The following CERS3 variants were observed in gnomAD, a reference collection of about 807,000 sequenced individuals.
CERS3 encodes the protein ceramide synthase 3.
In CERS3, 33 loss-of-function variants were observed where a neutral mutation model predicts 50.3. That is an observed-to-expected ratio of 0.66 (90% confidence interval 0.50 to 0.88). The LOEUF is 0.88. Ranked by LOEUF, CERS3 falls within the 40% of genes least tolerant of loss-of-function variation. The pLI is 0.00. For missense variants in CERS3, 470 were observed against 460.3 expected (o/e 1.02, Z -0.19); for synonymous variants, 176 against 155.2 (o/e 1.13, Z -0.99).
At chr15:100,541,451 G>A (rs1401504231) in intron 1 of CERS3, among the ~76,000 whole-genome samples, 1 of 152,050 alleles carries the variant, frequency 6.6e-6, no homozygotes, top group African/African-American at 2.4e-5. Context: ...CAGCCTGGGT[G>A]ACAGAGCGAG....
chr15:100,446,750 A>G (rs2033958893), intron 11 of CERS3, among the ~76,000 whole-genome samples: 1 of 152,094 alleles, frequency 6.6e-6, no homozygotes, highest in Non-Finnish European at 1.5e-5. Flanking sequence ...TAAACCCCCA[A>G]CTGCCTGATG....
At chr15:100,450,838 T>C (rs574814937) in intron 11 of CERS3, among the ~76,000 whole-genome samples, 25 of 152,020 alleles carry the variant, frequency 1.6e-4, no homozygotes, top group African/African-American at 5.1e-4. Context: ...AAGGGAACCA[T>C]CATCGGACTA....
chr15:100,509,475 C>A (rs1159077337), intron 2 of CERS3, among the ~76,000 whole-genome samples: 1 of 152,190 alleles, frequency 6.6e-6, no homozygotes. Context: ...AAGAAACTAT[C>A]TCTACAGAAC....
intron 9 of CERS3, among the ~76,000 whole-genome samples, chr15:100,471,505 C>T (rs1373285650): frequency 6.6e-6 from 1 of 152,126 alleles, no homozygotes; most frequent in East Asian, 1.9e-4. Context: ...ATTGGACACA[C>T]ACCAAAGGCA....
intron 11 of CERS3, among the ~76,000 whole-genome samples, chr15:100,454,387 CAAAAA>C (rs59536958): frequency 9.0e-6 from 1 of 111,472 alleles, no homozygotes; most frequent in Non-Finnish European, 1.8e-5. Flanking sequence ...AAGGCATTGT[CAAAAA>C]AAAAAAAAAA....
intron 1 of CERS3, among the ~76,000 whole-genome samples, chr15:100,526,478 C>CTGTGTGTGTGTGTGTGTGTGTGTG (rs1217852084): frequency 0.014 from 1,887 of 131,484 alleles, 34 homozygotes; most frequent in Middle Eastern, 0.038. Context: ...CCTACATAAA[C>CTGTGTGTGTGTGTGTGTGTGTGTG]TGTGTGTGTG....
At chr15:100,513,193 G>A (rs1403361739) in intron 2 of CERS3, among the ~76,000 whole-genome samples, 1 of 152,138 alleles carries the variant, frequency 6.6e-6, no homozygotes, top group African/African-American at 2.4e-5. Flanking sequence ...CCATCTATCA[G>A]CCCCTTCCTA....
chr15:100,542,554 TGTAAA>T (rs2037226166), intron 1 of CERS3, among the ~76,000 whole-genome samples: 2 of 152,196 alleles, frequency 1.3e-5, no homozygotes, highest in African/African-American at 4.8e-5. Flanking sequence ...GCTAATACTA[TGTAAA>T]GTAAATATAA....
intron 2 of CERS3, among the ~76,000 whole-genome samples, chr15:100,513,542 T>TTC (rs1466339478): frequency 1.6e-5 from 1 of 61,468 alleles, no homozygotes; most frequent in Non-Finnish European, 3.6e-5. Context: ...TTTCTTTTCT[T>TTC]TTTTTTTTTT....
At chr15:100,455,724 A>C (rs894189040) in intron 11 of CERS3, among the ~76,000 whole-genome samples, 169 bp downstream of exon 11, 1 of 152,204 alleles carries the variant, frequency 6.6e-6, no homozygotes, top group Non-Finnish European at 1.5e-5. Flanking sequence ...TTAAAGACCT[A>C]CTTATGAAAA....
chr15:100,473,139 C>T, intron 8 of CERS3, 87 bp from the exon 9 acceptor site: 2 of 1,334,974 alleles, frequency 1.5e-6, no homozygotes, highest in Non-Finnish European at 2.0e-6. Context: ...ATAATGAGAC[C>T]AATAACTTAC....
intron 11 of CERS3, among the ~76,000 whole-genome samples, chr15:100,416,828 T>A (rs2031949527): frequency 6.6e-6 from 1 of 152,056 alleles, no homozygotes; most frequent in Non-Finnish European, 1.5e-5. Flanking sequence ...AGGATGAATC[T>A]GAAAAGGGTC....
intron 8 of CERS3, among the ~76,000 whole-genome samples, chr15:100,474,360 T>A (rs2035059190): frequency 6.6e-6 from 1 of 152,214 alleles, no homozygotes; most frequent in African/African-American, 2.4e-5. Flanking sequence ...ACAATACCAA[T>A]AATAGCTCAA....
chr15:100,455,621 C>G (rs2034342071), intron 11 of CERS3, among the ~76,000 whole-genome samples: 1 of 152,014 alleles, frequency 6.6e-6, no homozygotes, highest in Non-Finnish European at 1.5e-5. Flanking sequence ...AGCATAAAAA[C>G]AAGCAGCAAT....
intron 1 of CERS3, among the ~76,000 whole-genome samples, chr15:100,542,509 T>C (rs2037224805): frequency 6.6e-6 from 1 of 152,238 alleles, no homozygotes; most frequent in Admixed American, 6.5e-5. Context: ...GATCTATTCT[T>C]AGTGTGATAA....
chr15:100,479,442 C>A lies in CERS3; in HGVS notation c.502G>T (p.Gly168Cys), dbSNP rs781326893. 2 of 1,603,300 alleles carry A rather than the reference C, an allele frequency of 1.2e-6. No individual in the cohort carries two copies. Among genetic ancestry groups the A allele is most frequent in the Non-Finnish European group, 1.7e-6 (2 of 1,175,740 alleles). Residue 168 changes from glycine to cysteine, a missense_variant, in exon 7 of 12, where the codon GGC becomes TGC. Transcript: ENST00000679737. ...AGTGGACTTACCTGTTTGGGATAGC[C>A]ATTCCAAACCTCCCATAAGTCATAT... Reference protein sequence around the residue: ...WLYDLWEVWNGYPKQPLLPSQ... With the variant: ...WLYDLWEVWNCYPKQPLLPSQ...
At chr15:100,440,517 C>G (rs1411176416) in intron 11 of CERS3, among the ~76,000 whole-genome samples, 1 of 152,194 alleles carries the variant, frequency 6.6e-6, no homozygotes, top group African/African-American at 2.4e-5. Context: ...ACTCTCTATT[C>G]GGACTCAGCC....
intron 11 of CERS3, among the ~76,000 whole-genome samples, chr15:100,417,930 T>C (rs956285762): frequency 3.3e-5 from 5 of 151,978 alleles, no homozygotes; most frequent in African/African-American, 1.2e-4. Context: ...AACCCATCTG[T>C]ACATCACCAT....
intron 11 of CERS3, among the ~76,000 whole-genome samples, chr15:100,447,695 CTTGAG>C (rs1313331915): frequency 2.0e-5 from 3 of 152,212 alleles, no homozygotes; most frequent in Admixed American, 1.3e-4. Flanking sequence ...TTCCTGGTCC[CTTGAG>C]TTAATTTCTC....
Sources: gnomAD v4.1 joint callset for allele counts (sites outside exome capture counted in the v4.1 genomes callset) on GRCh38, gnomAD v4.1.1 for gene constraint, MANE v1.5 for transcripts, NCBI Gene and HGNC (gene_info 2026-07-23, HGNC 2026-07-21) for gene names.